Variants in EML5 observed in about 807,000 individuals in gnomAD.
The protein encoded by EML5 is echinoderm microtubule-associated protein-like 5.
Under a neutral mutation model 250.0 loss-of-function variants are expected in EML5, and 120 were observed. That is an observed-to-expected ratio of 0.48 (90% confidence interval 0.41 to 0.56). The LOEUF is 0.56. Ranked by LOEUF, EML5 falls within the 20% of genes least tolerant of loss-of-function variation. The probability of loss-of-function intolerance (pLI) is 0.00; values close to 1 mark genes in which losing one functional copy is unlikely to be tolerated. For synonymous variants in EML5, 771 were observed against 806.5 expected, an observed-to-expected ratio of 0.96 and a Z score of 0.75; for missense variants, 2,006 against 2,437.6, an observed-to-expected ratio of 0.82 and a Z score of 3.73.
At chr14:88,689,105 C>T (rs1320979931) in intron 17 of EML5, among the ~76,000 whole-genome samples, 2 of 152,150 alleles carry the variant, frequency 1.3e-5, no homozygotes, top group East Asian at 3.9e-4. Context: ...ATAACTATAC[C>T]ATGGCTTATC....
At chr14:88,746,368 T>G in intron 2 of EML5, 85 bp from the exon 3 acceptor site, 1 of 1,089,238 alleles carries the variant, frequency 9.2e-7, no homozygotes, top group Non-Finnish European at 1.4e-6. Context: ...AAAGAAATTA[T>G]ACTCATGGGT....
At chr14:88,717,374 T>C (rs955695800) in intron 8 of EML5, among the ~76,000 whole-genome samples, 1 of 152,166 alleles carries the variant, frequency 6.6e-6, no homozygotes, top group African/African-American at 2.4e-5. Flanking sequence ...AGTGGGGGCC[T>C]CATATGTCTT....
At chr14:88,669,303 C>T (rs1334259276) in intron 21 of EML5, among the ~76,000 whole-genome samples, 1 of 152,186 alleles carries the variant, frequency 6.6e-6, no homozygotes, top group Non-Finnish European at 1.5e-5. Context: ...GAAGGGACGG[C>T]TGTCATCACT....
At position 88,615,472 on chromosome 14, in the gene EML5, A is replaced by G. The variant is rs1336969473; in HGVS notation, c.*346T>C. On this transcript the variant is annotated 3_prime_UTR_variant, in exon 44 of 44. Transcript: ENST00000554922. ...CTAAAAAGATAATGAAAATTATCCA[A>G]ATTGGGTTTTTGAGTTCTTCTGTAA... The G allele has an allele frequency of 8.8e-6, 2 of 226,130 alleles. No individual in the cohort carries two copies. The highest frequency in any genetic ancestry group is 1.7e-5 in the Non-Finnish European group (2 of 116,708). The allele number at this position is 226,130 out of a possible 1,614,324, so 14.0% of individuals were successfully genotyped here.
chr14:88,776,743 T>G (rs2094450677), intron 1 of EML5, among the ~76,000 whole-genome samples: 1 of 150,106 alleles, frequency 6.7e-6, no homozygotes, highest in Non-Finnish European at 1.5e-5. Flanking sequence ...TAGCTGGGCA[T>G]AGTGGCACAT....
chr14:88,728,531 A>T (rs1392858909), intron 7 of EML5, among the ~76,000 whole-genome samples: 10 of 152,158 alleles, frequency 6.6e-5, no homozygotes. Context: ...GAAAATCATA[A>T]GGAAGAGAAA....
intron 8 of EML5, among the ~76,000 whole-genome samples, chr14:88,725,382 T>C (rs896464625): frequency 6.6e-6 from 1 of 152,164 alleles, no homozygotes; most frequent in Non-Finnish European, 1.5e-5. Context: ...TCAGCACGTG[T>C]AGAGGCTCAG....
chr14:88,727,708 A>G (rs561970244), intron 7 of EML5, among the ~76,000 whole-genome samples: 1 of 152,252 alleles, frequency 6.6e-6, no homozygotes, highest in East Asian at 1.9e-4. Context: ...AATACAATGC[A>G]TTTTTAAACA....
At chr14:88,738,559 T>A (rs1381887463) in intron 6 of EML5, among the ~76,000 whole-genome samples, 3 of 152,160 alleles carry the variant, frequency 2.0e-5, no homozygotes, top group African/African-American at 7.2e-5. Flanking sequence ...TGTTAAATAG[T>A]TATATTTAGC....
rs746524854 is a variant in EML5, at chr14:88,694,362, C to A, written c.2484G>T (p.Val828=). The change falls in exon 17 of 44, where the codon GTG becomes GTT. Residue 828 remains valine, a synonymous_variant. Transcript: ENST00000554922. ...TTCCAGCTGTAATTAGTTTATCAGG[C>A]ACATAGGGGTTCATCTTTACAACAA... is the stretch of plus-strand genomic sequence containing the variant. ...KIFVVKMNPY[V]PDKLITAGIK... 1 of 1,595,576 alleles carries A rather than the reference C, an allele frequency of 6.3e-7. No individual in the cohort carries two copies. Among genetic ancestry groups the A allele is most frequent in the South Asian group, 1.1e-5 (1 of 87,514 alleles).
intron 26 of EML5, 54 bp from the exon 27 acceptor site, chr14:88,657,556 A>G: frequency 6.8e-7 from 1 of 1,475,846 alleles, no homozygotes; most frequent in Non-Finnish European, 9.1e-7. Flanking sequence ...ATCAATTATG[A>G]TCTTATAAAT....
intron 8 of EML5, among the ~76,000 whole-genome samples, chr14:88,721,958 T>G (rs1467678074): frequency 6.6e-6 from 1 of 152,160 alleles, no homozygotes; most frequent in Non-Finnish European, 1.5e-5. Context: ...GCAAAGGACA[T>G]GAGCGGACAC....
In EML5 at chr14:88,792,665, G is replaced by A; in HGVS notation, c.-162C>T. 1.7e-6 allele frequency: 2 copies of A among 1,146,156 alleles called. No individual in the cohort carries two copies. The highest frequency in any genetic ancestry group is 2.1e-6 in the Non-Finnish European group (2 of 934,394). 71.0% of individuals were successfully genotyped at this position (1,146,156 alleles called of 1,614,324 possible). A position where few individuals can be genotyped will look rare whatever the true frequency, so the allele number is the denominator to read the frequency against. Reference sequence around the variant, plus strand: ...GCATCTCGTTTCGGGGGCCGCCGCCGCCTCAGCCCACAGGCGGGAGGAAAA... The same window carrying A: ...GCATCTCGTTTCGGGGGCCGCCGCCACCTCAGCCCACAGGCGGGAGGAAAA... On this transcript the variant is annotated 5_prime_UTR_variant, in exon 1 of 44. Coordinates refer to ENST00000554922, the MANE Select transcript of EML5 (RefSeq NM_183387.3). The surrounding 1 kb of genome is among the most constrained non-coding windows in gnomAD (Gnocchi z 6.9).
chr14:88,626,919 T>A lies in EML5; in HGVS notation c.4659A>T (p.Arg1553Ser). The A allele has an allele frequency of 1.9e-6, 3 of 1,614,002 alleles. No homozygotes were observed. The highest frequency in any genetic ancestry group is 2.5e-6 in the Non-Finnish European group (3 of 1,179,876). The change falls in exon 35 of 44, where the codon AGA becomes AGT. Residue 1553 changes from arginine (R) to serine (S), a missense_variant. Coordinates refer to ENST00000554922, the MANE Select transcript of EML5 (RefSeq NM_183387.3). ...KHVKFWTLAG[R>S]ALLSKKGLLS... ...GTAGCCCTTTTTTGCTAAGAAGAGC[T>A]CTTCCTGCCAGGGTCCAGAACTTCA...
intron 7 of EML5, among the ~76,000 whole-genome samples, chr14:88,728,640 C>T (rs1373432743): frequency 6.6e-6 from 1 of 152,070 alleles, no homozygotes; most frequent in African/African-American, 2.4e-5. Flanking sequence ...AGAGAAGAGG[C>T]TTGTCTTACG....
chr14:88,714,637 C>T (rs2093462921), intron 9 of EML5, among the ~76,000 whole-genome samples: 2 of 151,990 alleles, frequency 1.3e-5, no homozygotes, highest in South Asian at 4.1e-4. Flanking sequence ...ATGTATCTAT[C>T]AAAACATTAC....
rs545815605 is a variant in EML5, at chr14:88,636,648, G to A, written c.4337-2159C>T. Among the ~76,000 whole-genome samples, 26 of 152,198 alleles carry A rather than the reference G, an allele frequency of 1.7e-4. No individual in the cohort carries two copies. In the South Asian group the frequency reaches 2.9e-3, roughly 17 times the overall value. ...TGCACTACAGCCTGGGCAACAGAAC[G>A]AGACTCTGTCACAAACAAAGAAACA... On this transcript the variant is annotated intron_variant, in intron 32 of 43. Transcript: ENST00000554922.
rs2093422418 is a variant in EML5 at position 88,712,401 on chromosome 14, A to G, written c.1527T>C (p.Asn509=). ...SWTCVSGLEV[N]GIWPKYSDIN... ...TATCTGAATACTTGGGCCAAATTCCATTTACTTCAAGGCCTGAAACACATG... is the reference window on the plus strand; with the variant it reads ...TATCTGAATACTTGGGCCAAATTCCGTTTACTTCAAGGCCTGAAACACATG... The change falls in exon 10 of 44, where the codon AAT becomes AAC. Residue 509 remains asparagine (N), a synonymous_variant. Coordinates refer to ENST00000554922, the MANE Select transcript of EML5 (RefSeq NM_183387.3). 1 of 1,613,666 alleles carries G rather than the reference A, an allele frequency of 6.2e-7. No homozygotes were observed. The highest frequency in any genetic ancestry group is 2.2e-5 in the East Asian group (1 of 44,806).
intron 24 of EML5, 41 bp downstream of exon 24, chr14:88,662,990 T>C (rs770529321): frequency 6.9e-7 from 1 of 1,454,168 alleles, no homozygotes. Flanking sequence ...TAGCCACTTT[T>C]ATTCACATGA....
Sources: gnomAD v4.1 joint callset for allele counts (sites outside exome capture counted in the v4.1 genomes callset) on GRCh38, gnomAD v4.1.1 for gene constraint, Gnocchi (gnomAD v3.1) non-coding constraint, MANE v1.5 for transcripts, NCBI Gene and HGNC (gene_info 2026-07-23, HGNC 2026-07-21) for gene names.